ABCA13: variants seen among roughly 807,000 people sequenced by gnomAD.
ABCA13 encodes ATP-binding cassette sub-family A member 13.
ABCA13 carries 476 observed loss-of-function variants against 478.7 expected under a neutral mutation model. That is an observed-to-expected ratio of 0.99 (90% CI 0.92 to 1.07). The LOEUF (loss-of-function observed/expected upper bound fraction) is 1.07. Ranked by LOEUF, ABCA13 falls within the 50% of genes least tolerant of loss-of-function variation. ABCA13 has a pLI of 0.00. For missense variants in ABCA13, 6,060 were observed against 5,910.6 expected (o/e 1.03, Z -0.83); for synonymous variants, 2,252 against 2,158.9 (o/e 1.04, Z -1.20).
chr7:48,261,009 C>A (rs1293661122), intron 15 of ABCA13, among the ~76,000 whole-genome samples: 1 of 151,006 alleles, frequency 6.6e-6, no homozygotes, highest in African/African-American at 2.4e-5. Flanking sequence ...TTTTTTTTTA[C>A]TCTCAAATTT....
At chr7:48,538,100 C>CTTT (rs574241927) in intron 55 of ABCA13, among the ~76,000 whole-genome samples, 1 of 113,420 alleles carries the variant, frequency 8.8e-6, no homozygotes, top group Non-Finnish European at 1.8e-5. Context: ...TCTTTCTTTC[C>CTTT]TTTTTTTTTT....
intron 59 of ABCA13, among the ~76,000 whole-genome samples, chr7:48,625,920 C>T (rs1793621889): frequency 6.6e-6 from 1 of 152,182 alleles, no homozygotes. Flanking sequence ...CATTCATACA[C>T]ATTTATTGAG....
chr7:48,376,528 G>A lies in ABCA13; in HGVS notation c.11291G>A (p.Ser3764Asn). 6.2e-7 allele frequency: 1 copy of A among 1,613,862 alleles called. No individual in the cohort carries two copies. Among genetic ancestry groups the A allele is most frequent in the Non-Finnish European group, 8.5e-7 (1 of 1,179,826 alleles). The change falls in exon 35 of 62, where the codon AGC (serine) becomes AAC (asparagine). Residue 3764 changes from serine (S) to asparagine (N), a missense_variant. Ser to Asn is a conservative substitution (Grantham distance 46). This residue lies in a region of ABCA13 where 10 missense variants were observed against 30.5 expected (regional missense o/e 0.33). Transcript: ENST00000435803. ...WVCWMILFDS[S>N]LYFLCGWYLS... Reference sequence around the variant, plus strand: ...TGCTGGATGATTCTTTTTGATTCAAGCCTTTATTTTTTGTGTGGATGGTAC... The same window carrying A: ...TGCTGGATGATTCTTTTTGATTCAAACCTTTATTTTTTGTGTGGATGGTAC...
intron 58 of ABCA13, among the ~76,000 whole-genome samples, chr7:48,599,660 G>A (rs1053686108): frequency 3.1e-4 from 47 of 152,270 alleles, no homozygotes; most frequent in African/African-American, 1.1e-3. Flanking sequence ...TTTGCAAGTC[G>A]TATGGTGTGT....
intron 19 of ABCA13, among the ~76,000 whole-genome samples, chr7:48,286,009 G>A (rs1455298934): frequency 1.3e-5 from 2 of 152,186 alleles, no homozygotes; most frequent in Non-Finnish European, 2.9e-5. Context: ...ATTTTATGTG[G>A]TTGAAAACTG....
chr7:48,523,465 A>G (rs1832690210), intron 53 of ABCA13, among the ~76,000 whole-genome samples: 1 of 152,064 alleles, frequency 6.6e-6, no homozygotes, highest in African/African-American at 2.4e-5. Flanking sequence ...TCTCCCAATG[A>G]TAATATAATA....
intron 15 of ABCA13, among the ~76,000 whole-genome samples, chr7:48,256,766 G>A (rs911847331): frequency 2.6e-5 from 4 of 152,104 alleles, no homozygotes; most frequent in African/African-American, 9.7e-5. Flanking sequence ...CTACAGCATT[G>A]CTCTTTTGCT....
intron 48 of ABCA13, among the ~76,000 whole-genome samples, chr7:48,492,855 G>A (rs1475260810): frequency 6.6e-6 from 1 of 151,966 alleles, no homozygotes; most frequent in African/African-American, 2.4e-5. Flanking sequence ...GTGAAACCCT[G>A]TCTGTACTAA....
At position 48,229,939 on chromosome 7, in the gene ABCA13, T is replaced by G. The variant is rs1788802023; in HGVS notation, c.747T>G (p.His249Gln). ...TISTLTFLQQ[H>Q]GVAVTEPVYH... ...CGACACTGACATTTCTGCAGCAACATGGAGTAGCAGTCACCGGTATGGGTG... is the reference window on the plus strand; with the variant it reads ...CGACACTGACATTTCTGCAGCAACAGGGAGTAGCAGTCACCGGTATGGGTG... Residue 249 changes from histidine (H) to glutamine (Q), a missense_variant, in exon 7 of 62, where the codon CAT becomes CAG. His to Gln is a conservative substitution (Grantham distance 24). Transcript: ENST00000435803. 6.2e-7 allele frequency: 1 copy of G among 1,613,984 alleles called. No individual in the cohort carries two copies. The highest frequency in any genetic ancestry group is 8.5e-7 in the Non-Finnish European group (1 of 1,179,862).
chr7:48,560,883 A>G (rs900273236), intron 55 of ABCA13, among the ~76,000 whole-genome samples: 8 of 152,130 alleles, frequency 5.3e-5, no homozygotes, highest in Admixed American at 5.2e-4. Context: ...GTCTTTGGTA[A>G]TCATGATTCT....
At chr7:48,536,258 A>T (rs1833572464) in intron 55 of ABCA13, among the ~76,000 whole-genome samples, 1 of 147,912 alleles carries the variant, frequency 6.8e-6, no homozygotes, top group South Asian at 2.1e-4. Flanking sequence ...TCTATTTATG[A>T]AATGATGGAT....
intron 20 of ABCA13, 117 bp downstream of exon 20, chr7:48,288,195 C>A: frequency 1.1e-6 from 1 of 940,726 alleles, no homozygotes. Context: ...TGGTGTCATA[C>A]ACAGTCTTGT....
At position 48,516,848 on chromosome 7, in the gene ABCA13, GC is replaced by G. The variant is rs1228507529; in HGVS notation, c.13768del (p.Arg4590GlyfsTer3). ...TTTGTACCATGCTCATAACCATTATGCCCCGGTTGCTAGCCATCATCTCCAA... is the reference window on the plus strand; with the variant it reads ...TTTGTACCATGCTCATAACCATTATGCCCGGTTGCTAGCCATCATCTCCAA... ...GLCTMLITIM[P>X]RLLAIISKAK... On this transcript the variant is annotated frameshift_variant, in exon 52 of 62. Transcript: ENST00000435803. LOFTEE classifies it high-confidence loss of function. 1.9e-6 allele frequency: 3 copies of G among 1,613,422 alleles called. No homozygotes were observed. The South Asian group carries it at 3.3e-5, about 18-fold the overall frequency.
chr7:48,332,824 C>T (rs1157435410), intron 27 of ABCA13, among the ~76,000 whole-genome samples: 4 of 152,090 alleles, frequency 2.6e-5, no homozygotes, highest in African/African-American at 9.7e-5. Context: ...AGTGGGTGTT[C>T]CCTAGAGGTA....
intron 43 of ABCA13, among the ~76,000 whole-genome samples, chr7:48,457,356 C>T (rs960546855): frequency 4.6e-5 from 7 of 152,054 alleles, no homozygotes; most frequent in African/African-American, 7.2e-5. Flanking sequence ...TCAACTTTAC[C>T]GCTTATCTTT....
intron 51 of ABCA13, among the ~76,000 whole-genome samples, chr7:48,512,007 A>G (rs1038252652): frequency 5.3e-5 from 8 of 152,218 alleles, no homozygotes; most frequent in East Asian, 1.9e-4. Context: ...AATATATACC[A>G]TTACTAGATG....
chr7:48,186,780 A>AAATGC (rs1361331891), intron 1 of ABCA13, among the ~76,000 whole-genome samples: 1 of 152,004 alleles, frequency 6.6e-6, no homozygotes, highest in Non-Finnish European at 1.5e-5. Flanking sequence ...GAAAGACCAG[A>AAATGC]AATGCAAGAA....
chr7:48,540,223 T>C (rs777786982), intron 55 of ABCA13, among the ~76,000 whole-genome samples: 1 of 152,146 alleles, frequency 6.6e-6, no homozygotes. Flanking sequence ...CAAGTACATG[T>C]AGACAAAAGA....
intron 1 of ABCA13, among the ~76,000 whole-genome samples, chr7:48,177,933 C>T (rs936052795): frequency 4.3e-4 from 65 of 152,302 alleles, no homozygotes; most frequent in African/African-American, 1.5e-3. Context: ...CACTGCCAGG[C>T]CACTGAGGGC....
Sources: allele counts gnomAD v4.1 joint callset (sites outside exome capture counted in the v4.1 genomes callset), GRCh38; gene constraint gnomAD v4.1.1; regional missense constraint gnomAD v4.1.1; transcripts MANE v1.5; gene names NCBI Gene and HGNC (gene_info 2026-07-23, HGNC 2026-07-21).